Variants in IL1RAPL1 observed in about 807,000 individuals in gnomAD.
The protein encoded by IL1RAPL1 is interleukin-1 receptor accessory protein-like 1.
In IL1RAPL1, 3 loss-of-function variants were observed where a neutral mutation model predicts 48.4. That is an observed-to-expected ratio of 0.06 (90% CI 0.03 to 0.16). The LOEUF is 0.16. Among genes scored for constraint, IL1RAPL1 ranks in the 10% least tolerant of loss-of-function variants. IL1RAPL1 has a pLI of 1.00. For missense variants in IL1RAPL1, 349 were observed against 530.6 expected (o/e 0.66, Z 3.36); for synonymous variants, 185 against 187.7 (o/e 0.99, Z 0.12).
intron 2 of IL1RAPL1, among the ~76,000 whole-genome samples, chrX:29,050,433 G>T (rs1927068623): frequency 9.0e-6 from 1 of 111,485 alleles, no homozygotes; most frequent in Non-Finnish European, 1.9e-5. Context: ...AATCCAGAGG[G>T]TCTGGTTATA....
At chrX:28,842,361 T>TA (rs1311586805) in intron 2 of IL1RAPL1, among the ~76,000 whole-genome samples, 1 of 111,251 alleles carries the variant, frequency 9.0e-6, no homozygotes, top group African/African-American at 3.3e-5. Flanking sequence ...TCAACCTGTA[T>TA]AAAAAATATA....
intron 2 of IL1RAPL1, among the ~76,000 whole-genome samples, chrX:28,807,286 A>G: frequency 9.0e-6 from 1 of 111,340 alleles, no homozygotes; most frequent in Non-Finnish European, 1.9e-5. Context: ...GGAATTAGTA[A>G]GCCTTTGATG....
chrX:29,454,955 C>T (rs990647826), intron 5 of IL1RAPL1, among the ~76,000 whole-genome samples: 1 of 110,605 alleles, frequency 9.0e-6, no homozygotes, highest in South Asian at 3.8e-4. Context: ...ACAGGAAATG[C>T]ACTTATGTTC....
At chrX:29,060,406 A>C (rs1927315717) in intron 2 of IL1RAPL1, among the ~76,000 whole-genome samples, 1 of 111,715 alleles carries the variant, frequency 9.0e-6, no homozygotes, top group Non-Finnish European at 1.9e-5. Flanking sequence ...ACTCCCTTTC[A>C]TTCTATTTTT....
At chrX:29,214,245 A>G (rs757385419) in intron 2 of IL1RAPL1, among the ~76,000 whole-genome samples, 1 of 111,735 alleles carries the variant, frequency 8.9e-6, no homozygotes, top group East Asian at 2.8e-4. Flanking sequence ...GTATTTGACC[A>G]TGGCTTGTTA....
At chrX:29,621,384 G>A (rs1204119854) in intron 5 of IL1RAPL1, among the ~76,000 whole-genome samples, 10 of 110,725 alleles carry the variant, frequency 9.0e-5, no homozygotes, top group African/African-American at 1.3e-4. Flanking sequence ...ATGCATAAAG[G>A]TATATAAATA....
chrX:29,310,895 CTCT>C (rs1932715631), intron 3 of IL1RAPL1, among the ~76,000 whole-genome samples: 2 of 111,955 alleles, frequency 1.8e-5, no homozygotes, highest in South Asian at 7.3e-4. Flanking sequence ...TATAAACATC[CTCT>C]TCTTTGATGT....
chrX:28,768,269 A>G (rs1936264192), intron 1 of IL1RAPL1, among the ~76,000 whole-genome samples: 1 of 111,142 alleles, frequency 9.0e-6, no homozygotes, highest in Non-Finnish European at 1.9e-5. Context: ...ACTTTGTATT[A>G]TATAAAAGTC....
At chrX:29,004,792 T>C (rs1925936576) in intron 2 of IL1RAPL1, among the ~76,000 whole-genome samples, 2 of 111,293 alleles carry the variant, frequency 1.8e-5, no homozygotes, top group African/African-American at 6.5e-5. Flanking sequence ...GCCCCGGAGT[T>C]TGAGGCTGTT....
At chrX:29,490,583 A>G (rs1339532270) in intron 5 of IL1RAPL1, among the ~76,000 whole-genome samples, 2 of 111,465 alleles carry the variant, frequency 1.8e-5, no homozygotes, top group Non-Finnish European at 3.8e-5. Flanking sequence ...CGCTCACCAA[A>G]TACTTTGAAT....
chrX:29,004,340 A>T (rs1202228970), intron 2 of IL1RAPL1, among the ~76,000 whole-genome samples: 3 of 112,545 alleles, frequency 2.7e-5, no homozygotes, highest in African/African-American at 9.7e-5. Context: ...CTAACAAAGT[A>T]GAAAGAGACA....
chrX:29,556,890 A>T (rs181974288), intron 5 of IL1RAPL1, among the ~76,000 whole-genome samples: 1 of 111,792 alleles, frequency 8.9e-6, no homozygotes, highest in Non-Finnish European at 1.9e-5. Flanking sequence ...CTTTCAATTA[A>T]TACATATGGA....
At chrX:29,215,963 T>A (rs1326228153) in intron 2 of IL1RAPL1, among the ~76,000 whole-genome samples, 1 of 110,813 alleles carries the variant, frequency 9.0e-6, no homozygotes, top group African/African-American at 3.3e-5. Flanking sequence ...AACAAGTATC[T>A]CCTGGCCCCT....
At chrX:29,272,427 TG>T (rs1932054907) in intron 2 of IL1RAPL1, among the ~76,000 whole-genome samples, 1 of 111,700 alleles carries the variant, frequency 9.0e-6, no homozygotes, top group Non-Finnish European at 1.9e-5. Context: ...TTGGTTTGGC[TG>T]GATATGAGAT....
intron 2 of IL1RAPL1, among the ~76,000 whole-genome samples, chrX:29,261,681 C>A (rs1399656433): frequency 9.0e-6 from 1 of 110,775 alleles, no homozygotes; most frequent in Non-Finnish European, 1.9e-5. Context: ...CACTAACTCC[C>A]AGGCACACGG....
intron 2 of IL1RAPL1, among the ~76,000 whole-genome samples, chrX:28,865,306 G>A (rs1205117323): frequency 3.6e-5 from 4 of 110,689 alleles, no homozygotes; most frequent in African/African-American, 9.9e-5. Flanking sequence ...GGCTGTGGTG[G>A]CATGTGCCTA....
At chrX:28,965,556 C>T (rs1924898961) in intron 2 of IL1RAPL1, among the ~76,000 whole-genome samples, 1 of 111,925 alleles carries the variant, frequency 8.9e-6, no homozygotes, top group Non-Finnish European at 1.9e-5. Context: ...CAAAACTTCA[C>T]AACTCATTGA....
chrX:29,218,276 A>T (rs1357730537), intron 2 of IL1RAPL1, among the ~76,000 whole-genome samples: 1 of 111,318 alleles, frequency 9.0e-6, no homozygotes, highest in Non-Finnish European at 1.9e-5. Flanking sequence ...TAACCAGTGC[A>T]CTCTCTTTGT....
chrX:29,310,113 AAAAAAAAAAAAAAAAAGAAAGG>A (rs1569282269), intron 3 of IL1RAPL1, among the ~76,000 whole-genome samples: 52 of 86,107 alleles, frequency 6.0e-4, no homozygotes, highest in Non-Finnish European at 9.1e-4. Flanking sequence ...AAAAAAAAAA[AAAAAAAAAAAAAAAAAGAAAGG>A]AAAAAAAAAA....
Sources: gnomAD v4.1 joint callset for allele counts (sites outside exome capture counted in the v4.1 genomes callset) on GRCh38, gnomAD v4.1.1 for gene constraint, MANE v1.5 for transcripts, NCBI Gene and HGNC (gene_info 2026-07-23, HGNC 2026-07-21) for gene names.